Variants in TMEM245 observed in about 807,000 individuals in gnomAD.
TMEM245 encodes transmembrane protein 245, also known as protein CG-2.
In TMEM245, 69 loss-of-function variants were observed where a neutral mutation model predicts 101.2. The ratio of observed to expected loss-of-function variants is 0.68; its 90% CI spans 0.56 to 0.83. TMEM245 has a LOEUF of 0.83. TMEM245 is among the 40% of genes least tolerant of loss of function. The pLI is 0.00. For missense variants in TMEM245, 1,075 were observed against 1,092.8 expected, an observed-to-expected ratio of 0.98 and a Z score of 0.23; for synonymous variants, 537 against 449.8, an observed-to-expected ratio of 1.19 and a Z score of -2.45.
chr9:109,104,020 G>A (rs1180286730), intron 3 of TMEM245, among the ~76,000 whole-genome samples: 1 of 152,198 alleles, frequency 6.6e-6, no homozygotes, highest in East Asian at 1.9e-4. Flanking sequence ...AGGAGGTGGA[G>A]GCTGCAGTGA....
rs748329530 is a variant in TMEM245 at position 109,020,451 on chromosome 9, G to GA, written c.*8dup. On this transcript the variant is annotated 3_prime_UTR_variant, in exon 18 of 18. Coordinates refer to ENST00000374586, the MANE Select transcript of TMEM245 (RefSeq NM_032012.4). ...ACTTCCTAGAAAAATCACTGCAGAG[G>GA]AAACCACATCAACCTACTGAAGATT... The GA allele has an allele frequency of 1.8e-5, 29 of 1,613,766 alleles. No homozygotes were observed. Among genetic ancestry groups the GA allele is most frequent in the Non-Finnish European group, 3.4e-6 (4 of 1,179,834 alleles).
chr9:109,053,867 C>T (rs1247775382), intron 12 of TMEM245, among the ~76,000 whole-genome samples: 1 of 152,234 alleles, frequency 6.6e-6, no homozygotes, highest in East Asian at 1.9e-4. Flanking sequence ...CCTGGCAGAA[C>T]TGAGCCACCT....
chr9:109,071,017 G>T (rs964048855), intron 9 of TMEM245, among the ~76,000 whole-genome samples: 3 of 152,170 alleles, frequency 2.0e-5, no homozygotes, highest in East Asian at 1.9e-4. Context: ...AAGTACCTGG[G>T]ATTACAGGTG....
chr9:109,040,572 G>A (rs74656951), intron 14 of TMEM245, among the ~76,000 whole-genome samples: 39 of 152,068 alleles, frequency 2.6e-4, no homozygotes, highest in African/African-American at 8.2e-4. Flanking sequence ...AGAATTTCAC[G>A]TAAACACAAC....
chr9:109,110,653 G>C (rs2132657210), intron 1 of TMEM245, among the ~76,000 whole-genome samples: 3 of 152,122 alleles, frequency 2.0e-5, no homozygotes, highest in Admixed American at 2.0e-4. Flanking sequence ...CAGTCACTTA[G>C]ATGAAAGACT....
intron 14 of TMEM245, chr9:109,038,321 AAT>A (rs1325350189): frequency 1.0e-5 from 4 of 382,716 alleles, no homozygotes; most frequent in African/African-American, 4.2e-5. Context: ...TGTAATATGA[AAT>A]ATGTTTTATT....
chr9:109,065,602 T>C (rs1441665957), intron 9 of TMEM245, among the ~76,000 whole-genome samples: 2 of 152,182 alleles, frequency 1.3e-5, no homozygotes, highest in Admixed American at 6.5e-5. Context: ...GGCCTCCTCA[T>C]TCTTCTGTTG....
intron 6 of TMEM245, among the ~76,000 whole-genome samples, chr9:109,086,527 G>A (rs1829843775): frequency 6.6e-6 from 1 of 152,128 alleles, no homozygotes; most frequent in Non-Finnish European, 1.5e-5. Flanking sequence ...AGCTCACTGT[G>A]TACCAGGCAA....
chr9:109,116,552 G>A (rs1463140688), intron 1 of TMEM245, among the ~76,000 whole-genome samples: 2 of 146,406 alleles, frequency 1.4e-5, no homozygotes, highest in Non-Finnish European at 3.0e-5. Flanking sequence ...TTTTTTTTGA[G>A]ACAGGGTATT....
chr9:109,100,087 C>T (rs1325381060), intron 3 of TMEM245, among the ~76,000 whole-genome samples: 1 of 152,074 alleles, frequency 6.6e-6, no homozygotes, highest in Non-Finnish European at 1.5e-5. Context: ...CAGACTAAGC[C>T]ATAAGGTTTC....
At chr9:109,052,293 A>T (rs1828709410) in intron 12 of TMEM245, among the ~76,000 whole-genome samples, 1 of 152,228 alleles carries the variant, frequency 6.6e-6, no homozygotes, top group African/African-American at 2.4e-5. Context: ...AGATGATATT[A>T]TCTCTATTTT....
At chr9:109,064,374 A>T in intron 10 of TMEM245, 103 bp downstream of exon 10, 1 of 986,542 alleles carries the variant, frequency 1.0e-6, no homozygotes, top group Non-Finnish European at 1.5e-6. Context: ...AAGCCTATTT[A>T]CTGCTGTGAA....
chr9:109,116,485 T>A (rs1342660965), intron 1 of TMEM245, among the ~76,000 whole-genome samples: 2 of 152,074 alleles, frequency 1.3e-5, no homozygotes, highest in African/African-American at 2.4e-5. Flanking sequence ...CCTCCCAAAG[T>A]GCTGGGGTTA....
intron 9 of TMEM245, among the ~76,000 whole-genome samples, chr9:109,072,154 C>T (rs1829352865): frequency 6.6e-6 from 1 of 151,514 alleles, no homozygotes; most frequent in East Asian, 1.9e-4. Context: ...CCATGAGAGG[C>T]CTCTGAGTAG....
In TMEM245 at chr9:109,085,978, C is replaced by T; in HGVS notation, c.1344+19G>A. 1 of 1,613,708 alleles carries T rather than the reference C, an allele frequency of 6.2e-7. No homozygotes were observed. The highest frequency in any genetic ancestry group is 8.5e-7 in the Non-Finnish European group (1 of 1,179,670). ...TACGGAATTCAATAGTAAAAACCAA[C>T]ATCTGGGTGTTCATTTACCTTCTTA... On this transcript the variant is annotated intron_variant, in intron 7 of 17. Transcript: ENST00000374586.
chr9:109,114,100 C>T (rs1446627308), intron 1 of TMEM245, among the ~76,000 whole-genome samples: 1 of 152,088 alleles, frequency 6.6e-6, no homozygotes, highest in Admixed American at 6.6e-5. Context: ...AACAAAAACA[C>T]CACAACTACA....
At chr9:109,103,895 G>C (rs747370441) in intron 3 of TMEM245, among the ~76,000 whole-genome samples, 2 of 152,016 alleles carry the variant, frequency 1.3e-5, no homozygotes, top group East Asian at 3.9e-4. Context: ...AGACCAGCCT[G>C]GCCAACATGG....
At chr9:109,082,600 CTG>C (rs1198269031) in intron 7 of TMEM245, among the ~76,000 whole-genome samples, 1 of 151,514 alleles carries the variant, frequency 6.6e-6, no homozygotes, top group East Asian at 1.9e-4. Flanking sequence ...AGAATTAAGA[CTG>C]TATTTGTATC....
chr9:109,096,414 T>C (rs1288794751), intron 3 of TMEM245, among the ~76,000 whole-genome samples: 1 of 152,112 alleles, frequency 6.6e-6, no homozygotes, highest in African/African-American at 2.4e-5. Context: ...GAGGCAGAGG[T>C]TGCAGTGAGC....
Sources: allele counts gnomAD v4.1 joint callset (sites outside exome capture counted in the v4.1 genomes callset), GRCh38; gene constraint gnomAD v4.1.1; transcripts MANE v1.5; gene names NCBI Gene and HGNC (gene_info 2026-07-23, HGNC 2026-07-21).